Variants in PTPRZ1 observed in about 807,000 individuals in gnomAD.
PTPRZ1 encodes the protein receptor-type tyrosine-protein phosphatase zeta.
In PTPRZ1, 82 loss-of-function variants were observed where a neutral mutation model predicts 214.1. The observed-to-expected ratio is 0.38, with a 90% CI of 0.32 to 0.46. The LOEUF is 0.46. Among genes scored for constraint, PTPRZ1 ranks in the 20% least tolerant of loss-of-function variants. The pLI, the probability that PTPRZ1 is intolerant of heterozygous loss-of-function variation, is 1.00. For synonymous variants in PTPRZ1, 945 were observed against 987.9 expected (o/e 0.96, Z 0.81); for missense variants, 2,603 against 2,748.7 (o/e 0.95, Z 1.19).
intron 2 of PTPRZ1, among the ~76,000 whole-genome samples, chr7:121,966,037 G>A (rs181648859): frequency 1.9e-3 from 294 of 152,268 alleles, no homozygotes; most frequent in Middle Eastern, 6.8e-3. Context: ...GTAGAGATAA[G>A]AAGAGGTCTG....
chr7:121,897,889 T>C (rs1794840510), intron 1 of PTPRZ1, among the ~76,000 whole-genome samples: 1 of 152,218 alleles, frequency 6.6e-6, no homozygotes, highest in African/African-American at 2.4e-5. Flanking sequence ...ATTACTTATT[T>C]GGCCATTCAA....
At chr7:121,988,559 G>A (rs1489498415) in intron 8 of PTPRZ1, among the ~76,000 whole-genome samples, 1 of 152,098 alleles carries the variant, frequency 6.6e-6, no homozygotes, top group African/African-American at 2.4e-5. Flanking sequence ...TTCTTGCCTT[G>A]CTTCAGGGGT....
chr7:122,000,799 G>A (rs567711909), intron 10 of PTPRZ1, among the ~76,000 whole-genome samples: 2 of 149,776 alleles, frequency 1.3e-5, no homozygotes, highest in African/African-American at 4.9e-5. Context: ...CGATTCTCCT[G>A]CCTCAGCCTC....
intron 1 of PTPRZ1, among the ~76,000 whole-genome samples, chr7:121,879,131 A>G (rs1169616464): frequency 1.3e-5 from 2 of 152,214 alleles, no homozygotes; most frequent in East Asian, 1.9e-4. Context: ...CAAGCATTAC[A>G]TAGATCCAGA....
chr7:122,003,853 T>C lies in PTPRZ1; in HGVS notation c.1241-761T>C, dbSNP rs1316480187. 2.6e-5 allele frequency among the ~76,000 whole-genome samples: 4 copies of C among 152,184 alleles called. No homozygotes were observed. The East Asian group carries it at 7.7e-4, about 29-fold the overall frequency. On this transcript the variant is annotated intron_variant, in intron 10 of 29. Coordinates refer to ENST00000393386, the MANE Select transcript of PTPRZ1 (RefSeq NM_002851.3). ...AGAACCAGCTTAGTCTTTCCTGACA[T>C]TCCCTGACAGGTCCTGTTTTAGAAC...
At chr7:121,972,197 C>T (rs532699555) in intron 3 of PTPRZ1, among the ~76,000 whole-genome samples, 1 of 152,026 alleles carries the variant, frequency 6.6e-6, no homozygotes, top group Admixed American at 6.5e-5. Context: ...GTTCCTTCCC[C>T]CTTTGCTCTG....
intron 2 of PTPRZ1, among the ~76,000 whole-genome samples, chr7:121,942,422 A>G (rs1796260790): frequency 1.3e-5 from 2 of 152,250 alleles, no homozygotes; most frequent in Non-Finnish European, 1.5e-5. Flanking sequence ...TGTGGAGATA[A>G]TGAAGAAAGC....
intron 12 of PTPRZ1, among the ~76,000 whole-genome samples, chr7:122,015,489 C>T (rs556363773): frequency 3.9e-5 from 6 of 152,148 alleles, no homozygotes; most frequent in African/African-American, 1.4e-4. Flanking sequence ...ATTTTAAACA[C>T]TTAAATGCTG....
intron 8 of PTPRZ1, among the ~76,000 whole-genome samples, chr7:121,989,279 C>A (rs1797867325): frequency 6.6e-6 from 1 of 151,934 alleles, no homozygotes; most frequent in Admixed American, 6.6e-5. Flanking sequence ...TCTTTCTTCA[C>A]AAACTAGGAC....
chr7:122,020,286 A>G (rs1186619608), intron 13 of PTPRZ1, among the ~76,000 whole-genome samples: 1 of 152,236 alleles, frequency 6.6e-6, no homozygotes, highest in Non-Finnish European at 1.5e-5. Flanking sequence ...AGTGATTTGA[A>G]GAAATATATG....
intron 8 of PTPRZ1, among the ~76,000 whole-genome samples, chr7:121,995,413 T>G (rs1798103040): frequency 6.6e-6 from 1 of 152,090 alleles, no homozygotes; most frequent in South Asian, 2.1e-4. Context: ...GAAGAGATAT[T>G]TATTACTCTG....
intron 1 of PTPRZ1, among the ~76,000 whole-genome samples, chr7:121,879,024 G>A (rs1369847793): frequency 1.3e-5 from 2 of 152,088 alleles, no homozygotes; most frequent in African/African-American, 4.8e-5. Flanking sequence ...CTTCTGGTAC[G>A]CGAACTTCAC....
intron 1 of PTPRZ1, among the ~76,000 whole-genome samples, chr7:121,874,266 G>A (rs1394711099): frequency 6.6e-6 from 1 of 152,140 alleles, no homozygotes; most frequent in Non-Finnish European, 1.5e-5. Context: ...TTTTTCATCT[G>A]CACCCTCCAG....
At chr7:121,998,138 C>T (rs1200629615) in intron 10 of PTPRZ1, 132 bp downstream of exon 10, 3 of 1,083,110 alleles carry the variant, frequency 2.8e-6, no homozygotes, top group African/African-American at 1.7e-5. Context: ...GTCTGGATTG[C>T]CGGGTAATTT....
At chr7:121,914,427 T>G (rs1435635987) in intron 1 of PTPRZ1, among the ~76,000 whole-genome samples, 2 of 152,156 alleles carry the variant, frequency 1.3e-5, no homozygotes, top group Non-Finnish European at 2.9e-5. Flanking sequence ...GTTCCTCTGC[T>G]CTTTCTTTTT....
intron 2 of PTPRZ1, among the ~76,000 whole-genome samples, chr7:121,937,247 G>A (rs950988370): frequency 2.6e-5 from 4 of 152,282 alleles, no homozygotes; most frequent in African/African-American, 9.6e-5. Context: ...CAGAAGAGCC[G>A]TGTTTGATAA....
At chr7:121,884,354 G>A (rs1405990209) in intron 1 of PTPRZ1, among the ~76,000 whole-genome samples, 1 of 152,070 alleles carries the variant, frequency 6.6e-6, no homozygotes, top group Non-Finnish European at 1.5e-5. Context: ...ATGCATATAT[G>A]TAAGTGCATA....
intron 4 of PTPRZ1, among the ~76,000 whole-genome samples, chr7:121,973,662 G>A (rs12671846): frequency 0.33 from 49,706 of 152,010 alleles, 9,742 homozygotes; most frequent in Middle Eastern, 0.43. Flanking sequence ...AGCCAGGCGC[G>A]GTGGCTCATG....
chr7:122,037,404 G>A (rs544164446), intron 18 of PTPRZ1, among the ~76,000 whole-genome samples: 2 of 152,294 alleles, frequency 1.3e-5, no homozygotes, highest in African/African-American at 4.8e-5. Context: ...AGGCAAACAT[G>A]ATTATTAATC....
Sources: gnomAD v4.1 joint callset for allele counts (sites outside exome capture counted in the v4.1 genomes callset) on GRCh38, gnomAD v4.1.1 for gene constraint, MANE v1.5 for transcripts, NCBI Gene and HGNC (gene_info 2026-07-23, HGNC 2026-07-21) for gene names.